ERLEC1: variants seen among roughly 807,000 people sequenced by gnomAD.
ERLEC1 encodes endoplasmic reticulum lectin 1.
ERLEC1 carries 47 observed loss-of-function variants against 68.0 expected under a neutral mutation model. The ratio of observed to expected loss-of-function variants is 0.69; its 90% CI spans 0.55 to 0.88. ERLEC1 has a LOEUF of 0.88. Among genes scored for constraint, ERLEC1 ranks in the 40% least tolerant of loss-of-function variants. The pLI, the probability that ERLEC1 is intolerant of heterozygous loss-of-function variation, is 0.00. For missense variants in ERLEC1, 567 were observed against 583.8 expected (o/e 0.97, Z 0.30); for synonymous variants, 225 against 203.2 (o/e 1.11, Z -0.91).
intron 1 of ERLEC1, among the ~76,000 whole-genome samples, chr2:53,788,971 G>C (rs1675235991): frequency 6.6e-6 from 1 of 151,928 alleles, no homozygotes; most frequent in African/African-American, 2.4e-5. Flanking sequence ...ATGCAGCCCT[G>C]AAAACTTACT....
chr2:53,814,635 C>T lies in ERLEC1; in HGVS notation c.1304+15C>T, dbSNP rs1676766333. On this transcript the variant is annotated intron_variant, in intron 12 of 13. Transcript: ENST00000185150. ...GTAAAACTAAAGTAAGTTAGACCATCAAATCATGCTGTATGCCTTTGTCTT... is the reference window on the plus strand; with the variant it reads ...GTAAAACTAAAGTAAGTTAGACCATTAAATCATGCTGTATGCCTTTGTCTT... 8 of 1,586,028 alleles carry T rather than the reference C, an allele frequency of 5.0e-6. No individual in the cohort carries two copies. Among genetic ancestry groups the T allele is most frequent in the Non-Finnish European group, 6.9e-6 (8 of 1,156,672 alleles).
intron 2 of ERLEC1, among the ~76,000 whole-genome samples, chr2:53,795,266 A>G (rs1213174078): frequency 6.6e-6 from 1 of 152,234 alleles, no homozygotes; most frequent in Non-Finnish European, 1.5e-5. Flanking sequence ...GCTGAGGTAT[A>G]GGCTATAGCT....
At position 53,808,280 on chromosome 2, in the gene ERLEC1, C is replaced by T. The variant is rs750240229; in HGVS notation, c.880-19C>T. The T allele has an allele frequency of 4.8e-5, 78 of 1,609,640 alleles. No individual in the cohort carries two copies. Among genetic ancestry groups the T allele is most frequent in the East Asian group, 6.7e-5 (3 of 44,852 alleles). ...TAAGTTTGGCATGGAAACCCTTAAA[C>T]GTGTGTGTTTAATTTTAGGAAGATT... is the stretch of plus-strand genomic sequence containing the variant. On this transcript the variant is annotated intron_variant, in intron 8 of 13. Coordinates refer to ENST00000185150, the MANE Select transcript of ERLEC1 (RefSeq NM_015701.5).
At chr2:53,797,960 G>A (rs1258011508) in intron 5 of ERLEC1, among the ~76,000 whole-genome samples, 165 bp downstream of exon 5, 1 of 152,178 alleles carries the variant, frequency 6.6e-6, no homozygotes, top group Non-Finnish European at 1.5e-5. Context: ...ACTTTGGGAG[G>A]CCAAGGCAGG....
At chr2:53,795,899 A>T in intron 2 of ERLEC1, 34 bp from the exon 3 acceptor site, 1 of 1,417,652 alleles carries the variant, frequency 7.1e-7, no homozygotes, top group Non-Finnish European at 9.8e-7. Flanking sequence ...AATTCTAGAA[A>T]AACTGTAAGT....
At chr2:53,810,197 T>C (rs918470579) in intron 10 of ERLEC1, among the ~76,000 whole-genome samples, 1 of 151,846 alleles carries the variant, frequency 6.6e-6, no homozygotes, top group Non-Finnish European at 1.5e-5. Flanking sequence ...GGGCCAGGCA[T>C]AGTGGCTCAT....
chr2:53,813,791 C>CT lies in ERLEC1; in HGVS notation c.1226+730dup, dbSNP rs879871998. On this transcript the variant is annotated intron_variant, in intron 11 of 13. Coordinates refer to ENST00000185150, the MANE Select transcript of ERLEC1 (RefSeq NM_015701.5). ...AAAGTCAGCCAAATTAAAACATAGA[C>CT]TTTTTTTTTTTTAATACTTTAAGTT... Among the ~76,000 whole-genome samples the CT allele has an allele frequency of 5.4e-4, 78 of 144,450 alleles. 1 individual carries two copies. The highest frequency in any genetic ancestry group is 1.4e-3 in the Admixed American group (20 of 14,384). 94.8% of individuals were successfully genotyped at this position (144,450 alleles called of 152,430 possible). A position where few individuals can be genotyped will look rare whatever the true frequency, so the allele number is the denominator to read the frequency against.
intron 10 of ERLEC1, among the ~76,000 whole-genome samples, chr2:53,809,538 C>T (rs560144506): frequency 6.6e-6 from 1 of 152,182 alleles, no homozygotes; most frequent in South Asian, 2.1e-4. Context: ...GTGGCTATAC[C>T]TCTTTTGCTT....
chr2:53,796,942 A>G (rs373855546), intron 3 of ERLEC1, among the ~76,000 whole-genome samples: 226 of 133,242 alleles, frequency 1.7e-3, no homozygotes, highest in Non-Finnish European at 2.4e-3. Context: ...CCCAGGCTGG[A>G]GTGCAGTGGC....
chr2:53,809,109 C>A, intron 9 of ERLEC1, 105 bp from the exon 10 acceptor site: 1 of 774,948 alleles, frequency 1.3e-6, no homozygotes, highest in Non-Finnish European at 2.1e-6. Flanking sequence ...CATACTATTG[C>A]TTTTACAGGT....
At position 53,814,646 on chromosome 2, in the gene ERLEC1, G is replaced by A. The variant is rs750990803; in HGVS notation, c.1304+26G>A. ...GTAAGTTAGACCATCAAATCATGCTGTATGCCTTTGTCTTTTAACTGCTTC... is the reference window on the plus strand; with the variant it reads ...GTAAGTTAGACCATCAAATCATGCTATATGCCTTTGTCTTTTAACTGCTTC... On this transcript the variant is annotated intron_variant, in intron 12 of 13. Transcript: ENST00000185150. 4.5e-6 allele frequency: 7 copies of A among 1,540,630 alleles called. No individual in the cohort carries two copies. The African/African-American group carries it at 9.6e-5, about 21-fold the overall frequency.
At chr2:53,815,829 G>T (rs989309918) in intron 13 of ERLEC1, among the ~76,000 whole-genome samples, 3 of 151,864 alleles carry the variant, frequency 2.0e-5, no homozygotes, top group Non-Finnish European at 4.4e-5. Context: ...ATCCAGTCAG[G>T]GTATTCAGAA....
chr2:53,793,933 A>T (rs1414519100), intron 1 of ERLEC1, among the ~76,000 whole-genome samples: 1 of 152,204 alleles, frequency 6.6e-6, no homozygotes, highest in Non-Finnish European at 1.5e-5. Flanking sequence ...ATTAAGACAG[A>T]AACTGAAAAC....
intron 4 of ERLEC1, 21 bp downstream of exon 4, chr2:53,797,613 T>C: frequency 1.3e-6 from 2 of 1,596,680 alleles, no homozygotes; most frequent in East Asian, 2.2e-5. Context: ...CTTCAAAATA[T>C]TATTATGAAA....
chr2:53,812,993 C>G lies in ERLEC1; in HGVS notation c.1146C>G (p.Asn382Lys), dbSNP rs773747942. Residue 382 changes from asparagine (N) to lysine (K), a missense_variant, in exon 11 of 14, where the codon AAC becomes AAG. Asn to Lys is a moderately conservative substitution (Grantham distance 94). Coordinates refer to ENST00000185150, the MANE Select transcript of ERLEC1 (RefSeq NM_015701.5). ...CCTCTGTGGTTGTCGGGACATGGAA[C>G]CAAGAAGAGCATATTGAATGGGCTA... ...GKTSVVVGTW[N>K]QEEHIEWAKK... 1.4e-5 allele frequency: 22 copies of G among 1,613,706 alleles called. No homozygotes were observed. The highest frequency in any genetic ancestry group is 1.8e-5 in the Non-Finnish European group (21 of 1,179,924).
intron 11 of ERLEC1, 52 bp from the exon 12 acceptor site, chr2:53,814,491 T>A: frequency 7.5e-7 from 1 of 1,332,228 alleles, no homozygotes; most frequent in Non-Finnish European, 1.1e-6. Context: ...ATTACAATTA[T>A]TCTATTAGTG....
chr2:53,814,790 G>A, intron 12 of ERLEC1, 70 bp from the exon 13 acceptor site: 1 of 1,227,960 alleles, frequency 8.1e-7, no homozygotes, highest in Non-Finnish European at 1.2e-6. Context: ...GGATTTTTAA[G>A]AGTACAGTTA....
intron 1 of ERLEC1, among the ~76,000 whole-genome samples, chr2:53,787,789 C>G (rs1675144053): frequency 6.6e-6 from 1 of 152,234 alleles, no homozygotes; most frequent in Admixed American, 6.5e-5. Flanking sequence ...GTACTTCAGA[C>G]TCGAGTTCCC....
intron 13 of ERLEC1, among the ~76,000 whole-genome samples, chr2:53,817,611 A>G (rs116121714): frequency 4.1e-4 from 62 of 152,128 alleles, no homozygotes; most frequent in African/African-American, 1.5e-3. Context: ...ATAATGTTCT[A>G]TCATTTTTGT....
Sources: gnomAD v4.1 joint callset for allele counts (sites outside exome capture counted in the v4.1 genomes callset) on GRCh38, gnomAD v4.1.1 for gene constraint, MANE v1.5 for transcripts, NCBI Gene and HGNC (gene_info 2026-07-23, HGNC 2026-07-21) for gene names.